Variants in TRAM2 observed in about 807,000 individuals in gnomAD.
TRAM2 encodes translocating chain-associated membrane protein 2.
Under a neutral mutation model 51.0 loss-of-function variants are expected in TRAM2, and 12 were observed. That is an observed-to-expected ratio of 0.24 (90% CI 0.15 to 0.38). The LOEUF (loss-of-function observed/expected upper bound fraction) is 0.38. Ranked by LOEUF, TRAM2 falls within the 10% of genes least tolerant of loss-of-function variation. TRAM2 has a pLI of 1.00. For missense variants in TRAM2, 361 were observed against 462.0 expected (o/e 0.78, Z 2.00); for synonymous variants, 175 against 179.4 (o/e 0.98, Z 0.20).
intron 1 of TRAM2, among the ~76,000 whole-genome samples, chr6:52,575,883 C>T (rs1455557684): frequency 1.3e-5 from 2 of 152,206 alleles, no homozygotes; most frequent in Non-Finnish European, 2.9e-5. Context: ...CAGTTCTTCC[C>T]ACTTTTGAAT....
chr6:52,547,841 T>C (rs987389213), intron 1 of TRAM2, among the ~76,000 whole-genome samples: 11 of 152,212 alleles, frequency 7.2e-5, no homozygotes, highest in Non-Finnish European at 1.2e-4. Flanking sequence ...CCCACAGATA[T>C]GCAGATAAGC....
At chr6:52,508,588 G>A (rs1766392362) in intron 5 of TRAM2, among the ~76,000 whole-genome samples, 1 of 152,228 alleles carries the variant, frequency 6.6e-6, no homozygotes, top group South Asian at 2.1e-4. Context: ...GTGCAGAGGA[G>A]GAGGAATCCT....
Position 52,502,639 on chromosome 6 carries a change from T to A in TRAM2, c.*558A>T, listed in dbSNP as rs1766254937. On this transcript the variant is annotated 3_prime_UTR_variant, in exon 11 of 11. Transcript: ENST00000182527. ...GTACATGCAGAACTGGAATCATATA[T>A]CTCGTCAGTTAATCAGCACCAAGGA... 1 of 153,414 alleles carries A rather than the reference T, an allele frequency of 6.5e-6. No homozygotes were observed. The highest frequency in any genetic ancestry group is 1.4e-5 in the Non-Finnish European group (1 of 68,980). 9.5% of individuals were successfully genotyped at this position (153,414 alleles called of 1,614,324 possible).
At chr6:52,540,360 T>C (rs994483241) in intron 1 of TRAM2, among the ~76,000 whole-genome samples, 1 of 152,022 alleles carries the variant, frequency 6.6e-6, no homozygotes, top group South Asian at 2.1e-4. Context: ...ACAAAAAATA[T>C]GCATTTTAGG....
Position 52,500,174 on chromosome 6 carries a change from G to T in TRAM2, c.*3023C>A, listed in dbSNP as rs887569554. The T allele has an allele frequency of 1.3e-5, 2 of 152,254 alleles. No individual in the cohort carries two copies. The allele number at this position is 152,254 out of a possible 1,614,324, so 9.4% of individuals were successfully genotyped here. On this transcript the variant is annotated 3_prime_UTR_variant, in exon 11 of 11. Coordinates refer to ENST00000182527, the MANE Select transcript of TRAM2 (RefSeq NM_012288.4). ...TCTTTTCTCCTGCTCTTGGTGCATGGTGCTGAGCTCTCAAGCTTGGAGGTG... is the reference window on the plus strand; with the variant it reads ...TCTTTTCTCCTGCTCTTGGTGCATGTTGCTGAGCTCTCAAGCTTGGAGGTG...
Position 52,549,758 on chromosome 6 carries a change from C to G in TRAM2, c.121-13912G>C, listed in dbSNP as rs975235416. On this transcript the variant is annotated intron_variant, in intron 1 of 10. Coordinates refer to ENST00000182527, the MANE Select transcript of TRAM2 (RefSeq NM_012288.4). The stretch of plus-strand genomic sequence containing the variant: ...GGTGCTTGAGTATTATCTGAACCAG[C>G]CAAAAGATGGAAGTGGAAGCATTTA... 2.0e-5 allele frequency among the ~76,000 whole-genome samples: 3 copies of G among 152,240 alleles called. No individual in the cohort carries two copies. The South Asian group carries it at 6.2e-4, about 32-fold the overall frequency.
At chr6:52,557,194 A>AAAAAAAAAAAAG (rs1767426106) in intron 1 of TRAM2, among the ~76,000 whole-genome samples, 1 of 151,444 alleles carries the variant, frequency 6.6e-6, no homozygotes, top group Non-Finnish European at 1.5e-5. Context: ...CTCTGTCTCA[A>AAAAAAAAAAAAG]AAAAAAAAGA....
chr6:52,508,948 C>A (rs1041698726), intron 5 of TRAM2, among the ~76,000 whole-genome samples: 2 of 152,172 alleles, frequency 1.3e-5, no homozygotes, highest in African/African-American at 4.8e-5. Flanking sequence ...GCAGGAGAAT[C>A]GCTTAAACCC....
chr6:52,559,640 T>C (rs1562488334), intron 1 of TRAM2, among the ~76,000 whole-genome samples: 1 of 152,208 alleles, frequency 6.6e-6, no homozygotes, highest in Non-Finnish European at 1.5e-5. Flanking sequence ...TTCTATAAAC[T>C]GTGAAGTGCT....
chr6:52,576,101 C>A (rs993402932), intron 1 of TRAM2, among the ~76,000 whole-genome samples: 2 of 152,190 alleles, frequency 1.3e-5, no homozygotes, highest in South Asian at 4.1e-4. Context: ...CCCTGTCTCT[C>A]TTCTTGTCTC....
intron 2 of TRAM2, among the ~76,000 whole-genome samples, chr6:52,526,969 CA>C (rs201045969): frequency 6.6e-6 from 1 of 151,470 alleles, no homozygotes; most frequent in East Asian, 1.9e-4. Context: ...GAATCACATA[CA>C]AAAAAATTTT....
intron 1 of TRAM2, among the ~76,000 whole-genome samples, chr6:52,548,943 C>T (rs1767259287): frequency 6.6e-6 from 1 of 152,114 alleles, no homozygotes; most frequent in South Asian, 2.1e-4. Context: ...GATTTCTGGA[C>T]CTTCTCTGAG....
At chr6:52,553,344 G>C (rs1313588231) in intron 1 of TRAM2, among the ~76,000 whole-genome samples, 5 of 152,232 alleles carry the variant, frequency 3.3e-5, no homozygotes, top group South Asian at 2.1e-4. Context: ...TGAAGGCTCT[G>C]ACAAGTCCTG....
intron 4 of TRAM2, among the ~76,000 whole-genome samples, chr6:52,510,975 TTCTC>T (rs2114064890): frequency 1.3e-5 from 2 of 152,320 alleles, no homozygotes; most frequent in East Asian, 3.9e-4. Context: ...TTTGGGCAAT[TTCTC>T]TCTTCTGAAG....
intron 1 of TRAM2, among the ~76,000 whole-genome samples, chr6:52,546,308 CA>C (rs1258585367): frequency 2.6e-5 from 4 of 152,194 alleles, no homozygotes; most frequent in Admixed American, 6.5e-5. Context: ...CCCTTTACAG[CA>C]GCAGATATAA....
intron 1 of TRAM2, among the ~76,000 whole-genome samples, chr6:52,554,583 A>C (rs1044155008): frequency 6.6e-6 from 1 of 151,846 alleles, no homozygotes; most frequent in Non-Finnish European, 1.5e-5. Context: ...CAAACCCAAA[A>C]GCTGACTGGG....
chr6:52,527,262 T>G (rs907214092), intron 2 of TRAM2, among the ~76,000 whole-genome samples: 1 of 151,482 alleles, frequency 6.6e-6, no homozygotes, highest in Non-Finnish European at 1.5e-5. Flanking sequence ...CCTGCAGTCC[T>G]TGCTACTCGG....
At chr6:52,560,482 T>C (rs1330511917) in intron 1 of TRAM2, among the ~76,000 whole-genome samples, 5 of 152,248 alleles carry the variant, frequency 3.3e-5, no homozygotes, top group East Asian at 1.9e-4. Flanking sequence ...CACAGAAAGA[T>C]TGATCTCATC....
Position 52,504,584 on chromosome 6 carries a change from C to G in TRAM2, c.1039+7G>C. On this transcript the variant is annotated splice_region_variant and intron_variant, in intron 10 of 10. Transcript: ENST00000182527. ...CTCCACTCTCTGCCAAGGGCCCTGG[C>G]ACTCACCAGATTCCCTCTTGATGAG... 1 of 1,614,084 alleles carries G rather than the reference C, an allele frequency of 6.2e-7. No homozygotes were observed.
Sources: allele counts gnomAD v4.1 joint callset (sites outside exome capture counted in the v4.1 genomes callset), GRCh38; gene constraint gnomAD v4.1.1; transcripts MANE v1.5; gene names NCBI Gene and HGNC (gene_info 2026-07-23, HGNC 2026-07-21).